Variants in SYN2 observed in about 807,000 individuals in gnomAD.
SYN2 encodes synapsin II.
A neutral mutation model predicts 50.9 loss-of-function variants in SYN2; 19 were observed. The ratio of observed to expected loss-of-function variants is 0.37; its 90% confidence interval spans 0.26 to 0.55. SYN2 has a LOEUF of 0.55. Ranked by LOEUF, SYN2 falls within the 20% of genes least tolerant of loss-of-function variation. The pLI is 0.81. For synonymous variants in SYN2, 255 were observed against 224.9 expected (o/e 1.13, Z -1.20); for missense variants, 587 against 576.4 (o/e 1.02, Z -0.19).
intron 5 of SYN2, chr3:12,152,953 T>A: frequency 5.5e-6 from 1 of 183,004 alleles, no homozygotes; most frequent in Admixed American, 5.3e-5. Flanking sequence ...CCATTCTGGC[T>A]CTCACATTGA....
intron 1 of SYN2, among the ~76,000 whole-genome samples, chr3:12,128,254 C>T (rs768318842): frequency 1.7e-4 from 26 of 152,160 alleles, no homozygotes; most frequent in Non-Finnish European, 3.2e-4. Flanking sequence ...CAATTATTTA[C>T]ATTCTTTATG....
intron 11 of SYN2, among the ~76,000 whole-genome samples, chr3:12,187,167 G>A (rs549506588): frequency 3.9e-5 from 6 of 152,146 alleles, no homozygotes; most frequent in Non-Finnish European, 8.8e-5. Context: ...GAGTTGCTCC[G>A]TTTCTGAGGA....
chr3:12,034,889 C>T (rs1694463862), intron 1 of SYN2, among the ~76,000 whole-genome samples: 1 of 152,162 alleles, frequency 6.6e-6, no homozygotes. Context: ...CGATGGCCTT[C>T]AAAGTTTTAA....
At chr3:12,050,965 G>A (rs1295176627) in intron 1 of SYN2, among the ~76,000 whole-genome samples, 1 of 150,166 alleles carries the variant, frequency 6.7e-6, no homozygotes, top group African/African-American at 2.4e-5. Context: ...TCGATCTCCT[G>A]ACCTCATGAT....
chr3:12,094,585 A>G (rs62240408), intron 1 of SYN2, among the ~76,000 whole-genome samples: 6,838 of 152,318 alleles, frequency 0.045, 189 homozygotes, highest in Non-Finnish European at 0.066. Flanking sequence ...TAACTTAGCC[A>G]TTCTGAGTCT....
At position 12,187,411 on chromosome 3, in the gene SYN2, T is replaced by C. The variant is rs1267658011; in HGVS notation, c.1412T>C (p.Val471Ala). 6.4e-7 allele frequency: 1 copy of C among 1,551,294 alleles called. No individual in the cohort carries two copies. The highest frequency in any genetic ancestry group is 2.4e-5 in the East Asian group (1 of 40,910). The change falls in exon 12 of 13, where the codon GTG becomes GCG. Residue 471 changes from valine to alanine, a missense_variant. By Grantham distance (64) the Val-to-Ala change is moderately conservative. Transcript: ENST00000621198. ...CAAGGAATGCAGCCCCCAGGCAAGG[T>C]GCTGCCTCCACGCCGGCTCCCCCCT... ...QPQGMQPPGKVLPPRRLPPGP... is the reference protein window; with the variant it reads ...QPQGMQPPGKALPPRRLPPGP...
chr3:12,028,338 G>A (rs1285234954), intron 1 of SYN2, among the ~76,000 whole-genome samples: 1 of 150,540 alleles, frequency 6.6e-6, no homozygotes, highest in African/African-American at 2.5e-5. Context: ...ATAAACATAC[G>A]TGTGCATGTG....
intron 1 of SYN2, among the ~76,000 whole-genome samples, chr3:12,065,403 T>TA (rs1491194547): frequency 6.6e-6 from 1 of 152,130 alleles, no homozygotes; most frequent in East Asian, 1.9e-4. Context: ...CACATGCACT[T>TA]ATATGTTTGT....
chr3:12,060,283 A>T (rs1377294668), intron 1 of SYN2, among the ~76,000 whole-genome samples: 1 of 152,008 alleles, frequency 6.6e-6, no homozygotes, highest in Non-Finnish European at 1.5e-5. Flanking sequence ...GAAAAATCTC[A>T]TATTGGTTCT....
intron 1 of SYN2, among the ~76,000 whole-genome samples, chr3:12,123,324 A>C (rs1374811763): frequency 6.6e-6 from 1 of 152,256 alleles, no homozygotes; most frequent in Non-Finnish European, 1.5e-5. Flanking sequence ...AGTAGGTCTT[A>C]AGAGCATCCA....
intron 1 of SYN2, among the ~76,000 whole-genome samples, chr3:12,112,727 T>C (rs1302175296): frequency 1.3e-5 from 2 of 151,800 alleles, no homozygotes; most frequent in Non-Finnish European, 2.9e-5. Flanking sequence ...ATTGGCAGAC[T>C]AAAACATAAA....
At chr3:12,035,654 G>A (rs1694483221) in intron 1 of SYN2, among the ~76,000 whole-genome samples, 1 of 152,168 alleles carries the variant, frequency 6.6e-6, no homozygotes, top group Non-Finnish European at 1.5e-5. Context: ...AAGAGTGGGG[G>A]CCTGCAAGTC....
chr3:12,164,984 C>CTTTTTTTTT (rs68043865), intron 7 of SYN2, among the ~76,000 whole-genome samples: 2 of 92,344 alleles, frequency 2.2e-5, no homozygotes, highest in Non-Finnish European at 4.3e-5. Context: ...TTTTTCTTTT[C>CTTTTTTTTT]TTTTTTTTTT....
chr3:12,190,771 G>A lies in SYN2; in HGVS notation c.*146G>A, dbSNP rs762849193. The A allele has an allele frequency of 4.5e-4, 636 of 1,422,124 alleles. No homozygotes were observed. The highest frequency in any genetic ancestry group is 5.5e-4 in the Non-Finnish European group (598 of 1,093,124). The allele number at this position is 1,422,124 out of a possible 1,614,324, so 88.1% of individuals were successfully genotyped here. A position where few individuals can be genotyped will look rare whatever the true frequency, so the allele number is the denominator to read the frequency against. ...GCTCTGTTGTACTAAGTGATGTTGT[G>A]CAGCCCAGAAAGGACCATTTGACAG... On this transcript the variant is annotated 3_prime_UTR_variant, in exon 13 of 13. Transcript: ENST00000621198.
At position 12,057,872 on chromosome 3, in the gene SYN2, T is replaced by G. The variant is rs550639270; in HGVS notation, c.377+52944T>G. Among the ~76,000 whole-genome samples the G allele has an allele frequency of 2.6e-5, 4 of 152,316 alleles. No individual in the cohort carries two copies. In the South Asian group the frequency reaches 8.3e-4, roughly 32 times the overall value. On this transcript the variant is annotated intron_variant, in intron 1 of 12. Coordinates refer to ENST00000621198, the MANE Select transcript of SYN2 (RefSeq NM_133625.6). Reference sequence around the variant, plus strand: ...AGAAGAACATTAAAACTGAAACATATAAACATACTCGAAACATAGTCTTTA... The same window carrying G: ...AGAAGAACATTAAAACTGAAACATAGAAACATACTCGAAACATAGTCTTTA...
chr3:12,019,150 C>T (rs185367213), intron 1 of SYN2, among the ~76,000 whole-genome samples: 42 of 152,254 alleles, frequency 2.8e-4, no homozygotes, highest in Non-Finnish European at 4.9e-4. Flanking sequence ...TTTGCCAGTG[C>T]AAGAAATAGT....
chr3:12,043,372 TTAGTGGTA>T (rs1694664107), intron 1 of SYN2, among the ~76,000 whole-genome samples: 1 of 152,022 alleles, frequency 6.6e-6, no homozygotes, highest in African/African-American at 2.4e-5. Flanking sequence ...AGCCACCAAA[TTAGTGGTA>T]ATTTGTTATG....
At chr3:12,061,864 TGAAA>T (rs1439514034) in intron 1 of SYN2, among the ~76,000 whole-genome samples, 1 of 152,010 alleles carries the variant, frequency 6.6e-6, no homozygotes, top group African/African-American at 2.4e-5. Flanking sequence ...AAAACTTTGA[TGAAA>T]GAAATCGAAG....
chr3:12,108,933 T>C (rs1696259827), intron 1 of SYN2, among the ~76,000 whole-genome samples: 1 of 151,866 alleles, frequency 6.6e-6, no homozygotes, highest in Non-Finnish European at 1.5e-5. Context: ...CCATTCTGAA[T>C]GTCCAATTTT....
Sources: gnomAD v4.1 joint callset for allele counts (sites outside exome capture counted in the v4.1 genomes callset) on GRCh38, gnomAD v4.1.1 for gene constraint, MANE v1.5 for transcripts, NCBI Gene and HGNC (gene_info 2026-07-23, HGNC 2026-07-21) for gene names.